Variants in INPP4B observed in about 807,000 individuals in gnomAD.
INPP4B encodes inositol polyphosphate 4-phosphatase type II.
In INPP4B, 55 loss-of-function variants were observed where a neutral mutation model predicts 122.5. The ratio of observed to expected loss-of-function variants is 0.45; its 90% confidence interval spans 0.36 to 0.56. The LOEUF (loss-of-function observed/expected upper bound fraction) is 0.56, where lower values mean the gene tolerates loss of function less well. INPP4B is among the 20% of genes least tolerant of loss of function. The probability of loss-of-function intolerance (pLI) is 0.00; values close to 1 mark genes in which losing one functional copy is unlikely to be tolerated. For missense variants in INPP4B, 1,000 were observed against 1,097.7 expected (o/e 0.91, Z 1.26); for synonymous variants, 403 against 388.7 (o/e 1.04, Z -0.43).
At chr4:142,691,125 C>G (rs75153344) in intron 2 of INPP4B, among the ~76,000 whole-genome samples, 1 of 152,066 alleles carries the variant, frequency 6.6e-6, no homozygotes, top group South Asian at 2.1e-4. Flanking sequence ...CGCATCTCAG[C>G]CCCCCAATGT....
In INPP4B at chr4:142,405,278, T is replaced by C; in HGVS notation, c.183A>G (p.Thr61=). Residue 61 remains threonine, a synonymous_variant, in exon 6 of 26, where the codon ACA becomes ACG. Transcript: ENST00000262992. The part of the protein sequence containing the change: ...VAPVRDRKLN[T]LVQISVIHPV... ...GGTGGATTACGGAGATCTGCACCAG[T>C]GTATTCAGTTTACGATCACGGACAG... is the stretch of plus-strand genomic sequence containing the variant. 4 of 1,613,652 alleles carry C rather than the reference T, an allele frequency of 2.5e-6. No individual in the cohort carries two copies. Among genetic ancestry groups the C allele is most frequent in the Non-Finnish European group, 3.4e-6 (4 of 1,179,760 alleles).
intron 9 of INPP4B, among the ~76,000 whole-genome samples, chr4:142,283,989 G>A (rs1752365859): frequency 6.6e-6 from 1 of 152,164 alleles, no homozygotes; most frequent in South Asian, 2.1e-4. Flanking sequence ...AATAGGTTTT[G>A]AGGAGTGAGC....
chr4:142,064,859 T>C (rs976940070), intron 25 of INPP4B, among the ~76,000 whole-genome samples: 2 of 152,174 alleles, frequency 1.3e-5, no homozygotes, highest in Non-Finnish European at 2.9e-5. Context: ...GTCAAAGTGA[T>C]TTGAAAACTC....
At chr4:142,267,202 T>G (rs1743234473) in intron 10 of INPP4B, among the ~76,000 whole-genome samples, 1 of 152,170 alleles carries the variant, frequency 6.6e-6, no homozygotes, top group African/African-American at 2.4e-5. Flanking sequence ...AAATAAATGT[T>G]AAAAATCCTA....
rs879495500 is a variant in INPP4B, at chr4:142,174,794, TA to T, written c.1182-986del. ...TACAAGCCATCACACCTGATTAAAT[TA>T]AAAAAAAATTTTTTCATAGAGACTA... On this transcript the variant is annotated intron_variant, in intron 15 of 25. Transcript: ENST00000262992. Among the ~76,000 whole-genome samples, 508 of 152,170 alleles carry T rather than the reference TA, an allele frequency of 3.3e-3. 6 individuals are homozygous for T. The highest frequency in any genetic ancestry group is 0.01 in the African/African-American group (418 of 41,512).
intron 8 of INPP4B, among the ~76,000 whole-genome samples, chr4:142,312,121 T>C (rs1394152632): frequency 6.6e-6 from 1 of 152,190 alleles, no homozygotes; most frequent in Non-Finnish European, 1.5e-5. Context: ...CCAGGAATTA[T>C]AGCCGAGTTT....
At chr4:142,048,823 T>C (rs1752964636) in intron 25 of INPP4B, among the ~76,000 whole-genome samples, 1 of 151,958 alleles carries the variant, frequency 6.6e-6, no homozygotes, top group South Asian at 2.1e-4. Context: ...AGCAGAGCAG[T>C]TGGAAGCAGA....
At chr4:142,405,160 AGAG>A in intron 6 of INPP4B, 43 bp downstream of exon 6, 1 of 226,676 alleles carries the variant, frequency 4.4e-6, no homozygotes, top group Non-Finnish European at 7.7e-6. Flanking sequence ...CGAGCCAGCA[AGAG>A]AGAGAGAGAG....
chr4:142,282,376 G>C (rs140054303), intron 9 of INPP4B, among the ~76,000 whole-genome samples: 280 of 152,106 alleles, frequency 1.8e-3, no homozygotes, highest in African/African-American at 6.3e-3. Context: ...AAATCAGATG[G>C]GTATGTATTA....
At chr4:142,580,758 T>A (rs1179428889) in intron 2 of INPP4B, among the ~76,000 whole-genome samples, 2 of 152,072 alleles carry the variant, frequency 1.3e-5, no homozygotes, top group African/African-American at 4.8e-5. Context: ...CTGGATAAAG[T>A]TAAACCTGAC....
chr4:142,260,250 C>G (rs1286758259), intron 11 of INPP4B, among the ~76,000 whole-genome samples: 1 of 152,102 alleles, frequency 6.6e-6, no homozygotes, highest in Non-Finnish European at 1.5e-5. Flanking sequence ...TCCCAAAGTG[C>G]TGGGATTACG....
At chr4:142,563,844 G>C (rs934785356) in intron 2 of INPP4B, among the ~76,000 whole-genome samples, 5 of 152,052 alleles carry the variant, frequency 3.3e-5, no homozygotes, top group African/African-American at 9.7e-5. Context: ...ATGAGTCATG[G>C]CACAGCTATG....
Position 142,214,248 on chromosome 4 carries a change from A to G in INPP4B, c.837-5222T>C, listed in dbSNP as rs570100867. Among the ~76,000 whole-genome samples, 8 of 152,258 alleles carry G rather than the reference A, an allele frequency of 5.3e-5. 1 individual carries two copies. The South Asian group carries it at 1.7e-3, about 32-fold the overall frequency. The stretch of plus-strand genomic sequence containing the variant: ...TACCTGAGGCAGGAAGCACTAGTAC[A>G]TTCTAGAACTCTAAAGGTCTGTACT... On this transcript the variant is annotated intron_variant, in intron 12 of 25. Transcript: ENST00000262992.
intron 2 of INPP4B, among the ~76,000 whole-genome samples, chr4:142,537,685 T>C (rs1372129594): frequency 6.6e-6 from 1 of 151,578 alleles, no homozygotes; most frequent in African/African-American, 2.4e-5. Flanking sequence ...AAAAAATTGG[T>C]TTCATTAAAC....
intron 11 of INPP4B, among the ~76,000 whole-genome samples, chr4:142,249,833 C>A (rs961671196): frequency 6.6e-6 from 1 of 152,126 alleles, no homozygotes; most frequent in Non-Finnish European, 1.5e-5. Context: ...GACTTAGGCA[C>A]CAAACTCCAT....
chr4:142,517,159 A>G (rs1825516181), intron 2 of INPP4B, among the ~76,000 whole-genome samples: 1 of 152,072 alleles, frequency 6.6e-6, no homozygotes, highest in Non-Finnish European at 1.5e-5. Context: ...TACAGCAGTC[A>G]AAAAGGAGTT....
At chr4:142,482,778 C>T (rs1820723279) in intron 2 of INPP4B, among the ~76,000 whole-genome samples, 1 of 152,024 alleles carries the variant, frequency 6.6e-6, no homozygotes. Context: ...TTATTTGCTT[C>T]CACAGCATCT....
At chr4:142,604,522 T>C (rs1740794757) in intron 2 of INPP4B, among the ~76,000 whole-genome samples, 2 of 152,070 alleles carry the variant, frequency 1.3e-5, no homozygotes, top group African/African-American at 4.8e-5. Flanking sequence ...ATAAATTCTG[T>C]AAAGTTGCAG....
chr4:142,527,110 G>A (rs538479078), intron 2 of INPP4B, among the ~76,000 whole-genome samples: 52 of 151,756 alleles, frequency 3.4e-4, no homozygotes, highest in African/African-American at 1.2e-3. Flanking sequence ...TATGAAATTC[G>A]ACTGCATGAA....
Sources: allele counts gnomAD v4.1 joint callset (sites outside exome capture counted in the v4.1 genomes callset), GRCh38; gene constraint gnomAD v4.1.1; transcripts MANE v1.5; gene names NCBI Gene and HGNC (gene_info 2026-07-23, HGNC 2026-07-21).